The following CABIN1 variants were observed in gnomAD, a reference collection of about 807,000 sequenced individuals.
CABIN1 encodes calcineurin binding protein 1, also known as calcineurin-binding protein cabin-1.
CABIN1 carries 133 observed loss-of-function variants against 227.7 expected under a neutral mutation model. The observed-to-expected ratio is 0.58, with a 90% CI of 0.51 to 0.67. CABIN1 has a LOEUF of 0.67. Among genes scored for constraint, CABIN1 ranks in the 30% least tolerant of loss-of-function variants. The pLI is 0.00. For synonymous variants in CABIN1, 1,086 were observed against 1,155.1 expected, an observed-to-expected ratio of 0.94 and a Z score of 1.21; for missense variants, 2,408 against 2,852.5, an observed-to-expected ratio of 0.84 and a Z score of 3.55.
chr22:24,058,417 C>T (rs111876264), intron 10 of CABIN1, among the ~76,000 whole-genome samples: 2,084 of 152,288 alleles, frequency 0.014, 46 homozygotes, highest in African/African-American at 0.047. Context: ...TGAATGAAGA[C>T]ATTCACAAGT....
chr22:24,068,956 A>AG (rs57766751), intron 16 of CABIN1, among the ~76,000 whole-genome samples: 2 of 152,274 alleles, frequency 1.3e-5, no homozygotes, highest in African/African-American at 2.4e-5. Context: ...CATGTTCTCG[A>AG]GGGGGGGCAG....
intron 4 of CABIN1, among the ~76,000 whole-genome samples, chr22:24,038,728 A>G (rs1452029580): frequency 2.0e-5 from 3 of 152,216 alleles, no homozygotes; most frequent in Non-Finnish European, 2.9e-5. Context: ...CTTAATCTTC[A>G]CAACCACTCT....
At position 24,054,110 on chromosome 22, in the gene CABIN1, G is replaced by A. The variant is rs544064301; in HGVS notation, c.807-763G>A. Among the ~76,000 whole-genome samples, 209 of 152,340 alleles carry A rather than the reference G, an allele frequency of 1.4e-3. 1 individual carries two copies. The highest frequency in any genetic ancestry group is 2.5e-3 in the Non-Finnish European group (167 of 68,024). Reference sequence around the variant, plus strand: ...AGCAGGATTGCAGGGGGTGGTGTGAGAGGAGGCTGTGCAGCACCATGAGGC... The same window carrying A: ...AGCAGGATTGCAGGGGGTGGTGTGAAAGGAGGCTGTGCAGCACCATGAGGC... On this transcript the variant is annotated intron_variant, in intron 8 of 36. Coordinates refer to ENST00000263119, the MANE Select transcript of CABIN1 (RefSeq NM_012295.4).
chr22:24,117,693 G>A (rs2043167888), intron 27 of CABIN1, among the ~76,000 whole-genome samples: 1 of 152,168 alleles, frequency 6.6e-6, no homozygotes, highest in African/African-American at 2.4e-5. Flanking sequence ...TGTGTTCTAA[G>A]GACTCTGGCT....
intron 26 of CABIN1, among the ~76,000 whole-genome samples, chr22:24,100,953 T>C (rs938111210): frequency 6.6e-6 from 1 of 152,230 alleles, no homozygotes; most frequent in African/African-American, 2.4e-5. Flanking sequence ...TAGCACTGCA[T>C]AGAGGGAAGA....
intron 1 of CABIN1, among the ~76,000 whole-genome samples, chr22:24,014,152 G>A (rs1475799639): frequency 6.6e-6 from 1 of 152,154 alleles, no homozygotes; most frequent in Non-Finnish European, 1.5e-5. Flanking sequence ...GCATCCATCT[G>A]CAGATCTTTG....
rs751551206 is a variant in CABIN1 at position 24,171,948 on chromosome 22, G to A, written c.5993G>A (p.Arg1998Gln). Residue 1998 changes from arginine to glutamine, a missense_variant, in exon 34 of 37, where the codon CGG becomes CAG. By Grantham distance (43) the Arg-to-Gln change is conservative (BLOSUM62 1). Around this residue, in one of 3 missense-constraint regions of CABIN1, gnomAD observed 714 missense variants for 773.8 expected, o/e 0.92. Coordinates refer to ENST00000263119, the MANE Select transcript of CABIN1 (RefSeq NM_012295.4). Reference sequence around the variant, plus strand: ...CAGTCCAAGGACCCTGGGCCTCCCCGGCCACACAGGCCTGAAGCTACCCCC... The same window carrying A: ...CAGTCCAAGGACCCTGGGCCTCCCCAGCCACACAGGCCTGAAGCTACCCCC... ...LDQSKDPGPP[R>Q]PHRPEATPSM... 2.2e-5 allele frequency: 36 copies of A among 1,613,422 alleles called. 1 individual carries two copies. Among genetic ancestry groups the A allele is most frequent in the Admixed American group, 6.7e-5 (4 of 60,008 alleles).
intron 29 of CABIN1, among the ~76,000 whole-genome samples, chr22:24,138,132 C>A (rs1180530129): frequency 6.6e-6 from 1 of 152,306 alleles, no homozygotes; most frequent in African/African-American, 2.4e-5. Flanking sequence ...CACGTGCCTT[C>A]TGTTATTTTT....
chr22:24,067,031 G>A lies in CABIN1; in HGVS notation c.2082G>A (p.Glu694=). ...CGCTGGAGCGGTGCCAGTCCCTGGAGGAGATTCAGCGGCTGTATGAAGCAG... is the reference window on the plus strand; with the variant it reads ...CGCTGGAGCGGTGCCAGTCCCTGGAAGAGATTCAGCGGCTGTATGAAGCAG... The part of the protein sequence containing the change: ...LKSLERCQSL[E]EIQRLYEAGD... The change falls in exon 16 of 37, where the codon GAG becomes GAA. Residue 694 remains glutamate, a synonymous_variant. Transcript: ENST00000263119. 6.2e-7 allele frequency: 1 copy of A among 1,614,250 alleles called. No homozygotes were observed.
intron 20 of CABIN1, 139 bp from the exon 21 acceptor site, chr22:24,084,440 A>G (rs1031620852): frequency 1.3e-6 from 1 of 784,174 alleles, no homozygotes. Context: ...TTTAAGTATA[A>G]TGGGGATTTG....
chr22:24,099,136 T>TG lies in CABIN1; in HGVS notation c.4117+952dup, dbSNP rs921403188. Among the ~76,000 whole-genome samples, 162 of 151,830 alleles carry TG rather than the reference T, an allele frequency of 1.1e-3. No homozygotes were observed. In the Middle Eastern group the frequency reaches 0.017, roughly 16 times the overall value. ...TTGAAGTTCAGTCCCAGTACAGGTC[T>TG]GGGGGGGGCCACCACCTTCGCTCTA... is the stretch of plus-strand genomic sequence containing the variant. On this transcript the variant is annotated intron_variant, in intron 26 of 36. Coordinates refer to ENST00000263119, the MANE Select transcript of CABIN1 (RefSeq NM_012295.4).
At chr22:24,105,871 C>G (rs2147609362) in intron 26 of CABIN1, among the ~76,000 whole-genome samples, 1 of 152,342 alleles carries the variant, frequency 6.6e-6, no homozygotes, top group East Asian at 1.9e-4. Flanking sequence ...GGCTTGGCAG[C>G]TTTTGTCTAT....
chr22:24,049,270 G>A (rs1214868467), intron 7 of CABIN1, 50 bp downstream of exon 7: 2 of 1,602,778 alleles, frequency 1.2e-6, no homozygotes, highest in African/African-American at 1.3e-5. Flanking sequence ...CTGTGTGGCT[G>A]GTGAAGGTCA....
chr22:24,017,016 A>G (rs1019764224), intron 1 of CABIN1, among the ~76,000 whole-genome samples: 3 of 151,728 alleles, frequency 2.0e-5, no homozygotes, highest in African/African-American at 7.3e-5. Flanking sequence ...ATTGTGATAA[A>G]ATATAAGCAA....
At chr22:24,031,314 A>T (rs1018767155) in intron 1 of CABIN1, among the ~76,000 whole-genome samples, 1 of 152,278 alleles carries the variant, frequency 6.6e-6, no homozygotes, top group South Asian at 2.1e-4. Flanking sequence ...TGGGTGTGAC[A>T]TGGGGAATCC....
chr22:24,052,158 A>T (rs577295728), intron 8 of CABIN1, among the ~76,000 whole-genome samples: 183 of 152,260 alleles, frequency 1.2e-3, no homozygotes, highest in African/African-American at 3.4e-3. Context: ...GATTGTGGTG[A>T]TGTGACTGGA....
intron 22 of CABIN1, 47 bp from the exon 23 acceptor site, chr22:24,087,404 CT>C: frequency 6.2e-7 from 1 of 1,608,272 alleles, no homozygotes. Context: ...ATCTTCCATG[CT>C]TTTCATGTAG....
At chr22:24,076,932 A>G (rs997360130) in intron 19 of CABIN1, among the ~76,000 whole-genome samples, 8 of 152,146 alleles carry the variant, frequency 5.3e-5, no homozygotes, top group Non-Finnish European at 1.5e-5. Flanking sequence ...GGGACCTCAG[A>G]CCCAGCCTAT....
At chr22:24,126,849 C>T (rs1009209690) in intron 28 of CABIN1, among the ~76,000 whole-genome samples, 8 of 151,974 alleles carry the variant, frequency 5.3e-5, no homozygotes, top group African/African-American at 1.9e-4. Context: ...AAGTACAAAA[C>T]TTAGCCTGGT....
Sources: allele counts gnomAD v4.1 joint callset (sites outside exome capture counted in the v4.1 genomes callset), GRCh38; gene constraint gnomAD v4.1.1; regional missense constraint gnomAD v4.1.1; transcripts MANE v1.5; gene names NCBI Gene and HGNC (gene_info 2026-07-23, HGNC 2026-07-21).